The following SLC30A10 variants were observed in gnomAD, a reference collection of about 807,000 sequenced individuals.
SLC30A10 encodes the protein calcium/manganese antiporter SLC30A10.
A neutral mutation model predicts 21.7 loss-of-function variants in SLC30A10; 8 were observed. The observed-to-expected ratio is 0.37, with a 90% confidence interval of 0.22 to 0.67. The LOEUF (loss-of-function observed/expected upper bound fraction) is 0.67. Ranked by LOEUF, SLC30A10 falls within the 30% of genes least tolerant of loss-of-function variation. The pLI is 0.58. For synonymous variants in SLC30A10, 272 were observed against 279.4 expected (o/e 0.97, Z 0.26); for missense variants, 521 against 642.5 (o/e 0.81, Z 2.04).
chr1:219,927,363 G>GT (rs1659853170), intron 1 of SLC30A10, among the ~76,000 whole-genome samples: 1 of 151,910 alleles, frequency 6.6e-6, no homozygotes, highest in Non-Finnish European at 1.5e-5. Context: ...CCCTAAACCC[G>GT]TAACACCCAA....
chr1:219,933,052 A>T (rs187906611), upstream of SLC30A10, among the ~76,000 whole-genome samples: 67 of 144,016 alleles, frequency 4.7e-4, 1 homozygote, highest in Middle Eastern at 7.0e-3. Flanking sequence ...CAAGAGCAAA[A>T]CTCCGTCTAA....
intron 1 of SLC30A10, among the ~76,000 whole-genome samples, chr1:219,957,816 T>TA (rs35636434): frequency 3.5e-4 from 53 of 151,710 alleles, no homozygotes; most frequent in African/African-American, 8.7e-4. Flanking sequence ...GATTCCATCT[T>TA]AAAAAAAAAG....
upstream of SLC30A10, among the ~76,000 whole-genome samples, chr1:219,928,806 T>C (rs963078598): frequency 6.6e-5 from 10 of 152,142 alleles, no homozygotes; most frequent in African/African-American, 7.2e-5. This position sits in a 1 kb window ranked among gnomAD's most constrained non-coding sequence, Gnocchi z 6.3. Context: ...TGTCTGGACG[T>C]CAATCTTCAC....
chr1:219,915,587 G>A lies in SLC30A10; in HGVS notation c.1320C>T (p.Tyr440=), dbSNP rs769974391. 2.4e-5 allele frequency: 38 copies of A among 1,614,224 alleles called. No individual in the cohort carries two copies. The East Asian group carries it at 5.8e-4, about 25-fold the overall frequency. The part of the protein sequence containing the change: ...EHNGGPSLDT[Y]GSDGLSRRDA... ...CTCTTCTACTGAGGCCATCACTTCC[G>A]TATGTGTCTAGAGAGGGCCCACCAT... The change falls in exon 4 of 4, where the codon TAC becomes TAT. Residue 440 remains tyrosine, a synonymous_variant. Transcript: ENST00000366926.
At chr1:219,917,992 C>G (rs565964422) in intron 3 of SLC30A10, among the ~76,000 whole-genome samples, 1 of 152,066 alleles carries the variant, frequency 6.6e-6, no homozygotes, top group Non-Finnish European at 1.5e-5. Flanking sequence ...GGATTACAGG[C>G]GTGAGCCACC....
At chr1:219,939,865 G>A (rs1169834185) in intron 1 of SLC30A10, among the ~76,000 whole-genome samples, 2 of 152,200 alleles carry the variant, frequency 1.3e-5, no homozygotes, top group Non-Finnish European at 2.9e-5. Context: ...TGGAGCTCAT[G>A]CCGCATGGAC....
intron 2 of SLC30A10, among the ~76,000 whole-genome samples, chr1:219,925,304 C>T (rs142579950): frequency 0.014 from 2,124 of 152,080 alleles, 25 homozygotes; most frequent in South Asian, 0.024. Flanking sequence ...GCAGCCGAGG[C>T]GGGCAGATTG....
intron 1 of SLC30A10, among the ~76,000 whole-genome samples, chr1:219,946,495 A>G (rs1660187623): frequency 6.6e-6 from 1 of 152,110 alleles, no homozygotes; most frequent in African/African-American, 2.4e-5. Flanking sequence ...GGAGACTGCC[A>G]TTCCTCTTGT....
rs762014945 is a variant in SLC30A10, at chr1:219,915,739, G to A, written c.1168C>T (p.Pro390Ser). 13 of 1,614,082 alleles carry A rather than the reference G, an allele frequency of 8.1e-6. No homozygotes were observed. In the African/African-American group the frequency reaches 1.7e-4, roughly 22 times the overall value. Residue 390 changes from proline to serine, a missense_variant, in exon 4 of 4, where the codon CCC becomes TCC. Transcript: ENST00000366926. Reference protein sequence around the residue: ...IQFENVDLKEPLEQKDLLLLC... With the variant: ...IQFENVDLKESLEQKDLLLLC... ...AACAGTAAGTCCTTCTGCTCCAGGG[G>A]TTCCTTCAAGTCCACATTTTCAAAC... is the stretch of plus-strand genomic sequence containing the variant.
rs1259554912 is a variant in SLC30A10 at position 219,915,698 on chromosome 1, G to A, written c.1209C>T (p.Pro403=). 1.2e-6 allele frequency: 2 copies of A among 1,614,232 alleles called. No homozygotes were observed. The highest frequency in any genetic ancestry group is 1.7e-5 in the Admixed American group (1 of 60,034). The change falls in exon 4 of 4, where the codon CCC becomes CCT. Residue 403 remains proline, a synonymous_variant. Transcript: ENST00000366926. The stretch of plus-strand genomic sequence containing the variant: ...GCTTAGCACAGCCCTTGGAGATGCA[G>A]GGTGAGTTGCAGAGCAACAGTAAGT... ...QKDLLLLCNS[P]CISKGCAKQL...
chr1:219,949,777 T>G (rs1011384088), intron 1 of SLC30A10, among the ~76,000 whole-genome samples: 2 of 150,752 alleles, frequency 1.3e-5, no homozygotes, highest in South Asian at 2.1e-4. Context: ...AAAATAAAAA[T>G]AAAAATAAAA....
In SLC30A10 at chr1:219,915,433, T is replaced by C. The variant is rs1309799255; in HGVS notation, c.*16A>G. On this transcript the variant is annotated 3_prime_UTR_variant, in exon 4 of 4. Transcript: ENST00000366926. ...AAAGTGCCTCGTCTATATGGTCTGA[T>C]TATGTGAGTACCAGATTAAAAATGC... 1 of 1,606,386 alleles carries C rather than the reference T, an allele frequency of 6.2e-7. No individual in the cohort carries two copies. The highest frequency in any genetic ancestry group is 8.5e-7 in the Non-Finnish European group (1 of 1,176,300).
At chr1:219,933,625 G>C (rs1430628998), upstream of SLC30A10, among the ~76,000 whole-genome samples, 1 of 152,146 alleles carries the variant, frequency 6.6e-6, no homozygotes, top group African/African-American at 2.4e-5. Context: ...AATTGCTTGG[G>C]ATAGTGCCAG....
At chr1:219,942,624 A>T (rs536139526) in intron 1 of SLC30A10, among the ~76,000 whole-genome samples, 11 of 152,236 alleles carry the variant, frequency 7.2e-5, no homozygotes, top group Non-Finnish European at 1.3e-4. Context: ...TTAAGTATTT[A>T]CAAGTTGGTA....
At chr1:219,929,056 C>A (rs977713047), upstream of SLC30A10, among the ~76,000 whole-genome samples, 11 of 152,252 alleles carry the variant, frequency 7.2e-5, no homozygotes, top group Non-Finnish European at 1.2e-4. Context: ...CTTGAGGGTG[C>A]TTCCTGCTTT....
At chr1:219,933,362 C>A (rs558502876), upstream of SLC30A10, among the ~76,000 whole-genome samples, 1 of 152,154 alleles carries the variant, frequency 6.6e-6, no homozygotes. Context: ...ATACCAGACT[C>A]TAAATAATTT....
At chr1:219,929,800 G>T (rs1350773363), upstream of SLC30A10, among the ~76,000 whole-genome samples, 1 of 152,182 alleles carries the variant, frequency 6.6e-6, no homozygotes, top group Non-Finnish European at 1.5e-5. Context: ...GGGATTACAG[G>T]CGTGAGCCAC....
At chr1:219,941,629 A>C (rs779428904) in intron 1 of SLC30A10, among the ~76,000 whole-genome samples, 1,681 of 95,150 alleles carry the variant, frequency 0.018, 12 homozygotes, top group Middle Eastern at 0.062. Flanking sequence ...TCTTTCTTTC[A>C]TTCCTTCCTT....
Position 219,951,869 on chromosome 1 carries a change from G to A in SLC30A10, n.80+6699C>T, listed in dbSNP as rs1237091304. ...TCCTGTCTTGGCCTCCCAAAGTGCT[G>A]GGATTACAGGCATGAACATTGTGCC... On this transcript the variant is annotated intron_variant and non_coding_transcript_variant, in intron 1 of 8. Transcript: ENST00000484239. Among the ~76,000 whole-genome samples the A allele has an allele frequency of 2.0e-5, 3 of 152,098 alleles. No homozygotes were observed. The East Asian group carries it at 5.8e-4, about 29-fold the overall frequency.
Sources: allele counts gnomAD v4.1 joint callset (sites outside exome capture counted in the v4.1 genomes callset), GRCh38; gene constraint gnomAD v4.1.1; non-coding constraint Gnocchi (gnomAD v3.1); transcripts MANE v1.5; gene names NCBI Gene and HGNC (gene_info 2026-07-23, HGNC 2026-07-21).